Variants in TECPR2 observed in about 807,000 individuals in gnomAD.
TECPR2 encodes the protein tectonin beta-propeller repeat-containing protein 2.
Under a neutral mutation model 138.1 loss-of-function variants are expected in TECPR2, and 65 were observed. That is an observed-to-expected ratio of 0.47 (90% CI 0.39 to 0.58). TECPR2 has a LOEUF of 0.58. Ranked by LOEUF, TECPR2 falls within the 20% of genes least tolerant of loss-of-function variation. The pLI is 0.00. For synonymous variants in TECPR2, 746 were observed against 749.8 expected (o/e 0.99, Z 0.08); for missense variants, 1,553 against 1,824.5 (o/e 0.85, Z 2.71).
At chr14:102,389,435 A>G (rs559032822) in intron 2 of TECPR2, among the ~76,000 whole-genome samples, 3 of 152,356 alleles carry the variant, frequency 2.0e-5, no homozygotes, top group African/African-American at 7.2e-5. Flanking sequence ...AGAAGTTGCT[A>G]TTAGGTAACA....
chr14:102,413,943 A>G (rs1028575444), intron 4 of TECPR2, among the ~76,000 whole-genome samples: 1 of 151,884 alleles, frequency 6.6e-6, no homozygotes, highest in Non-Finnish European at 1.5e-5. Context: ...GACCATAGGC[A>G]CGTGCCAACA....
chr14:102,457,869 CTTTTT>C (rs748372168), intron 16 of TECPR2, among the ~76,000 whole-genome samples: 1 of 102,772 alleles, frequency 9.7e-6, no homozygotes, highest in African/African-American at 4.1e-5. Flanking sequence ...ACTAAATTCC[CTTTTT>C]TTTTTTTTTT....
At chr14:102,491,938 C>T (rs1459210087) in intron 17 of TECPR2, among the ~76,000 whole-genome samples, 2 of 152,306 alleles carry the variant, frequency 1.3e-5, no homozygotes, top group East Asian at 3.9e-4. Context: ...TGATCACATG[C>T]CTCCAATTAG....
In TECPR2 at chr14:102,500,708, A is replaced by T. The variant is rs1043579444; in HGVS notation, c.*2451A>T. On this transcript the variant is annotated 3_prime_UTR_variant, in exon 20 of 20. Coordinates refer to ENST00000359520, the MANE Select transcript of TECPR2 (RefSeq NM_014844.5). ...TCCACATTCCTGGATGGAGGACTACACACATTATGGAAAGACCTCATTCTT... is the reference window on the plus strand; with the variant it reads ...TCCACATTCCTGGATGGAGGACTACTCACATTATGGAAAGACCTCATTCTT... The T allele has an allele frequency of 6.6e-6, 1 of 152,260 alleles. No individual in the cohort carries two copies. The highest frequency in any genetic ancestry group is 2.4e-5 in the African/African-American group (1 of 41,470). 9.4% of individuals were successfully genotyped at this position (152,260 alleles called of 1,614,324 possible). A position where few individuals can be genotyped will look rare whatever the true frequency, so the allele number is the denominator to read the frequency against.
At chr14:102,367,787 C>T (rs891296359) in intron 1 of TECPR2, among the ~76,000 whole-genome samples, 5 of 152,092 alleles carry the variant, frequency 3.3e-5, no homozygotes, top group Non-Finnish European at 7.3e-5. Context: ...ACTTCTGGGT[C>T]ACATGGTAAC....
chr14:102,426,198 TTTTTTTG>T (rs1226834182), intron 6 of TECPR2, among the ~76,000 whole-genome samples: 1 of 152,142 alleles, frequency 6.6e-6, no homozygotes, highest in African/African-American at 2.4e-5. Flanking sequence ...CACTTGGTTT[TTTTTTTG>T]TTTTTTGTTT....
intron 17 of TECPR2, among the ~76,000 whole-genome samples, chr14:102,487,702 T>C (rs540527692): frequency 1.3e-5 from 2 of 151,536 alleles, no homozygotes; most frequent in African/African-American, 2.4e-5. Context: ...CCACCACGCC[T>C]GGCTAATTTT....
At chr14:102,442,826 A>G (rs1279473502) in intron 11 of TECPR2, among the ~76,000 whole-genome samples, 2 of 152,232 alleles carry the variant, frequency 1.3e-5, no homozygotes, top group African/African-American at 4.8e-5. Context: ...AGGTCAAGGA[A>G]TACAGGGTTG....
At chr14:102,399,824 C>T (rs1302339732) in intron 2 of TECPR2, among the ~76,000 whole-genome samples, 6 of 147,112 alleles carry the variant, frequency 4.1e-5, no homozygotes, top group Admixed American at 6.8e-5. Flanking sequence ...AGCAAGACTC[C>T]GTCTCAAAAA....
Position 102,501,413 on chromosome 14 carries a change from G to A in TECPR2, c.*3156G>A, listed in dbSNP as rs1891433589. ...GAAATGCTGCTGGGCACAGTGATGT[G>A]CAGTTATAGTCCCAGCTACTTGGGA... On this transcript the variant is annotated 3_prime_UTR_variant, in exon 20 of 20. Coordinates refer to ENST00000359520, the MANE Select transcript of TECPR2 (RefSeq NM_014844.5). 2 of 152,196 alleles carry A rather than the reference G, an allele frequency of 1.3e-5. No homozygotes were observed. Among genetic ancestry groups the A allele is most frequent in the South Asian group, 2.1e-4 (1 of 4,832 alleles). The allele number at this position is 152,196 out of a possible 1,614,324, so 9.4% of individuals were successfully genotyped here. A position where few individuals can be genotyped will look rare whatever the true frequency, so the allele number is the denominator to read the frequency against.
chr14:102,382,369 G>T (rs1345058279), intron 2 of TECPR2, among the ~76,000 whole-genome samples: 4 of 151,994 alleles, frequency 2.6e-5, no homozygotes, highest in Non-Finnish European at 4.4e-5. Context: ...AATAACCAGG[G>T]GTAAAAAAGA....
Position 102,440,422 on chromosome 14 carries a change from T to G in TECPR2, c.2579-14T>G, listed in dbSNP as rs1021962834. 1.2e-6 allele frequency: 2 copies of G among 1,612,908 alleles called. No homozygotes were observed. Among genetic ancestry groups the G allele is most frequent in the Non-Finnish European group, 1.7e-6 (2 of 1,179,674 alleles). On this transcript the variant is annotated splice_polypyrimidine_tract_variant and intron_variant, in intron 10 of 19. Transcript: ENST00000359520. ...GTATTTATTGGACAGTGAATAGAAT[T>G]TTTATTTCCATAGGAGCCCTTCTCT... is the stretch of plus-strand genomic sequence containing the variant.
chr14:102,402,680 A>C (rs183943468), intron 2 of TECPR2, among the ~76,000 whole-genome samples: 1 of 152,282 alleles, frequency 6.6e-6, no homozygotes, highest in East Asian at 1.9e-4. Context: ...GAGAAGACAC[A>C]AATGATTAAA....
intron 5 of TECPR2, among the ~76,000 whole-genome samples, chr14:102,418,393 A>C (rs1453231076): frequency 6.6e-6 from 1 of 152,182 alleles, no homozygotes; most frequent in Admixed American, 6.5e-5. Flanking sequence ...CCAGAGAGGG[A>C]GGAGCAGGAG....
Position 102,465,095 on chromosome 14 carries a change from A to G in TECPR2, c.3641-46A>G, listed in dbSNP as rs143515254. 3.8e-6 allele frequency: 6 copies of G among 1,592,218 alleles called. No homozygotes were observed. In the East Asian group the frequency reaches 8.9e-5, roughly 24 times the overall value. On this transcript the variant is annotated intron_variant, in intron 16 of 19. Transcript: ENST00000359520. Reference sequence around the variant, plus strand: ...TCATAGATTAGATGAAAGAATAGTCATTGTACAAAAGTAATTATAGTGTGT... The same window carrying G: ...TCATAGATTAGATGAAAGAATAGTCGTTGTACAAAAGTAATTATAGTGTGT...
intron 1 of TECPR2, among the ~76,000 whole-genome samples, chr14:102,372,669 T>C (rs145182819): frequency 0.04 from 6,062 of 152,142 alleles, 139 homozygotes; most frequent in Middle Eastern, 0.088. Context: ...CCTGTAATCC[T>C]AGCACTTTGG....
At position 102,502,316 on chromosome 14, in the gene TECPR2, C is replaced by T. The variant is rs45438105; in HGVS notation, c.*4059C>T. 0.086 allele frequency: 13,189 copies of T among 152,518 alleles called. 730 individuals are homozygous for T. The highest frequency in any genetic ancestry group is 0.17 in the African/African-American group (7,038 of 41,436). The allele number at this position is 152,518 out of a possible 1,614,324, so 9.4% of individuals were successfully genotyped here. A position where few individuals can be genotyped will look rare whatever the true frequency, so the allele number is the denominator to read the frequency against. On this transcript the variant is annotated 3_prime_UTR_variant, in exon 20 of 20. Transcript: ENST00000359520. ...GCAGGTTTGAAATTTTTCATAACTC[C>T]GGGGAGGAGCAAGAGGGGTGAAAAG... is the stretch of plus-strand genomic sequence containing the variant.
intron 2 of TECPR2, among the ~76,000 whole-genome samples, chr14:102,399,597 G>A (rs778168621): frequency 2.0e-5 from 3 of 152,150 alleles, no homozygotes; most frequent in African/African-American, 7.2e-5. Flanking sequence ...TTGGGAGGCC[G>A]AGGTGGGTGG....
At chr14:102,413,630 C>T (rs987267934) in intron 4 of TECPR2, among the ~76,000 whole-genome samples, 9 of 151,736 alleles carry the variant, frequency 5.9e-5, no homozygotes, top group Non-Finnish European at 1.0e-4. Flanking sequence ...CCACCCACCT[C>T]GGCCTACCAA....
Sources: allele counts gnomAD v4.1 joint callset (sites outside exome capture counted in the v4.1 genomes callset), GRCh38; gene constraint gnomAD v4.1.1; transcripts MANE v1.5; gene names NCBI Gene and HGNC (gene_info 2026-07-23, HGNC 2026-07-21).